FOCAD: variants seen among roughly 807,000 people sequenced by gnomAD.
The protein encoded by FOCAD is focadhesin.
FOCAD carries 198 observed loss-of-function variants against 225.6 expected under a neutral mutation model. The observed-to-expected ratio is 0.88, with a 90% CI of 0.78 to 0.99. The LOEUF (loss-of-function observed/expected upper bound fraction) is 0.99, where lower values mean the gene tolerates loss of function less well. Ranked by LOEUF, FOCAD falls within the 50% of genes least tolerant of loss-of-function variation. The pLI, the probability that FOCAD is intolerant of heterozygous loss-of-function variation, is 0.00. For missense variants in FOCAD, 2,713 were observed against 2,123.6 expected (o/e 1.28, Z -5.46); for synonymous variants, 897 against 755.0 (o/e 1.19, Z -3.08).
intron 22 of FOCAD, among the ~76,000 whole-genome samples, chr9:20,910,971 G>A (rs1477236002): frequency 6.6e-6 from 1 of 152,056 alleles, no homozygotes; most frequent in Non-Finnish European, 1.5e-5. Context: ...GAAGGTGCAT[G>A]TATTCTAGTT....
At chr9:20,666,990 C>T (rs537873832) in intron 2 of FOCAD, among the ~76,000 whole-genome samples, 11 of 152,252 alleles carry the variant, frequency 7.2e-5, no homozygotes, top group African/African-American at 1.9e-4. Context: ...CCCACAAAAA[C>T]TACTTTTGCA....
intron 11 of FOCAD, among the ~76,000 whole-genome samples, chr9:20,802,861 A>G (rs1426756148): frequency 6.6e-6 from 1 of 152,168 alleles, no homozygotes; most frequent in Non-Finnish European, 1.5e-5. Flanking sequence ...GTGATTTCAA[A>G]TGGTCGAATT....
intron 1 of FOCAD, among the ~76,000 whole-genome samples, chr9:20,703,289 T>G (rs10964666): frequency 1.3e-5 from 2 of 151,770 alleles, no homozygotes; most frequent in Non-Finnish European, 2.9e-5. Flanking sequence ...CTGAGGGGCC[T>G]GAGAGTTCTA....
At position 20,944,792 on chromosome 9, in the gene FOCAD, C is replaced by T. The variant is rs201781111; in HGVS notation, c.3555+18C>T. ...TTCAGGAGGTAAGAGATGGAGGCTA[C>T]ATTTTTTTCCCCTCTGCTCTCTTTT... On this transcript the variant is annotated intron_variant, in intron 29 of 43. Coordinates refer to ENST00000338382, the MANE Select transcript of FOCAD (RefSeq NM_001375567.1). 6.3e-7 allele frequency: 1 copy of T among 1,599,862 alleles called. No individual in the cohort carries two copies. The highest frequency in any genetic ancestry group is 1.1e-5 in the South Asian group (1 of 89,712).
At chr9:20,983,363 A>G (rs1362076227) in intron 39 of FOCAD, among the ~76,000 whole-genome samples, 1 of 151,978 alleles carries the variant, frequency 6.6e-6, no homozygotes, top group African/African-American at 2.4e-5. Context: ...CATGTGGTCA[A>G]GAGATCGAGA....
At chr9:20,926,611 G>T (rs1000651227) in intron 26 of FOCAD, among the ~76,000 whole-genome samples, 194 bp downstream of exon 26, 3 of 151,674 alleles carry the variant, frequency 2.0e-5, no homozygotes, top group Admixed American at 6.6e-5. Flanking sequence ...TGGAGAAACC[G>T]CATCTCTACT....
intron 19 of FOCAD, among the ~76,000 whole-genome samples, chr9:20,877,283 C>G (rs1045389753): frequency 6.6e-6 from 1 of 152,104 alleles, no homozygotes; most frequent in Non-Finnish European, 1.5e-5. Context: ...TGCCGAAATC[C>G]TGAAAGATTA....
intron 11 of FOCAD, among the ~76,000 whole-genome samples, chr9:20,818,457 C>A (rs919899167): frequency 6.6e-6 from 1 of 152,050 alleles, no homozygotes; most frequent in East Asian, 1.9e-4. Flanking sequence ...GTTACAAAGA[C>A]TTAATCCTAT....
rs1047730312 is a variant in FOCAD, at chr9:20,758,144, A to G, written c.447A>G (p.Pro149=). 2 of 1,612,612 alleles carry G rather than the reference A, an allele frequency of 1.2e-6. 1 individual carries two copies. The highest frequency in any genetic ancestry group is 2.2e-5 in the South Asian group (2 of 90,872). Residue 149 remains proline (P), a synonymous_variant, in exon 6 of 44, where the codon CCA becomes CCG. Transcript: ENST00000338382. ...TVLEHRPDCW[P]VFLQQLTAFF... ...TTGAACACAGACCTGATTGCTGGCC[A>G]GTGTTTTTGCAGCAGCTGACAGCGT...
rs564081736 is a variant in FOCAD at position 20,884,446 on chromosome 9, G to T, written c.2504-663G>T. Among the ~76,000 whole-genome samples the T allele has an allele frequency of 3.3e-5, 5 of 151,920 alleles. No individual in the cohort carries two copies. The South Asian group carries it at 1.0e-3, about 32-fold the overall frequency. On this transcript the variant is annotated intron_variant, in intron 20 of 43. Coordinates refer to ENST00000338382, the MANE Select transcript of FOCAD (RefSeq NM_001375567.1). ...CGAGTAGCTGGGATTTCAGGTGTTC[G>T]CCACCATGCCTGGCTAATTTTTGCG...
At chr9:20,779,715 A>C (rs1396569023) in intron 9 of FOCAD, among the ~76,000 whole-genome samples, 3 of 151,404 alleles carry the variant, frequency 2.0e-5, no homozygotes, top group African/African-American at 7.3e-5. Context: ...GCGCCATTGC[A>C]CTCCAGCTTG....
At chr9:20,683,943 T>G (rs1822493967), upstream of FOCAD, 1 of 152,332 alleles carries the variant, frequency 6.6e-6, no homozygotes, top group African/African-American at 2.4e-5. Context: ...CCGGGCACGC[T>G]GCAGTGGCAT....
chr9:20,737,029 G>T (rs974932148), intron 4 of FOCAD, among the ~76,000 whole-genome samples: 1 of 152,006 alleles, frequency 6.6e-6, no homozygotes, highest in African/African-American at 2.4e-5. Flanking sequence ...TTTGAATGGC[G>T]CTATGTGTAA....
chr9:20,716,566 A>G (rs974470625), intron 2 of FOCAD, among the ~76,000 whole-genome samples: 7 of 152,126 alleles, frequency 4.6e-5, no homozygotes, highest in Non-Finnish European at 8.8e-5. Context: ...TTCTTTTTCT[A>G]GATATGAACT....
At position 20,982,398 on chromosome 9, in the gene FOCAD, C is replaced by G. The variant is rs754909539; in HGVS notation, c.4680C>G (p.Leu1560=). 2 of 1,613,798 alleles carry G rather than the reference C, an allele frequency of 1.2e-6. No individual in the cohort carries two copies. The highest frequency in any genetic ancestry group is 1.3e-5 in the African/African-American group (1 of 74,918). The part of the protein sequence containing the change: ...LELYISIAKC[L]LEMTDDDANR... ...TGTATATCAGCATAGCAAAATGCCT[C>G]TTAGAAATGACAGATGATGATGCCA... The change falls in exon 39 of 44, where the codon CTC becomes CTG. Residue 1560 remains leucine, a synonymous_variant. Coordinates refer to ENST00000338382, the MANE Select transcript of FOCAD (RefSeq NM_001375567.1).
intron 40 of FOCAD, among the ~76,000 whole-genome samples, chr9:20,987,060 T>G (rs767626627): frequency 6.6e-6 from 1 of 152,198 alleles, no homozygotes; most frequent in South Asian, 2.1e-4. Flanking sequence ...ATTTACAATT[T>G]CTGGAGACTA....
intron 21 of FOCAD, among the ~76,000 whole-genome samples, chr9:20,892,779 G>A (rs1831732321): frequency 6.6e-6 from 1 of 152,072 alleles, no homozygotes; most frequent in African/African-American, 2.4e-5. Context: ...GAAGTTCTAT[G>A]GATGAAGCTA....
At chr9:20,755,720 G>A (rs538047897) in intron 5 of FOCAD, among the ~76,000 whole-genome samples, 6 of 152,100 alleles carry the variant, frequency 3.9e-5, no homozygotes, top group African/African-American at 1.2e-4. Flanking sequence ...TCTTTATAGC[G>A]ATATGGTTCT....
chr9:20,686,437 G>A (rs996334143), intron 1 of FOCAD, among the ~76,000 whole-genome samples: 2 of 152,170 alleles, frequency 1.3e-5, no homozygotes, highest in African/African-American at 4.8e-5. Context: ...TCTAGAAATG[G>A]ACCTGATCAA....
Sources: gnomAD v4.1 joint callset for allele counts (sites outside exome capture counted in the v4.1 genomes callset) on GRCh38, gnomAD v4.1.1 for gene constraint, MANE v1.5 for transcripts, NCBI Gene and HGNC (gene_info 2026-07-23, HGNC 2026-07-21) for gene names.